RAB11FIP5: variants seen among roughly 807,000 people sequenced by gnomAD.
RAB11FIP5 encodes rab11 family-interacting protein 5.
In RAB11FIP5, 48 loss-of-function variants were observed where a neutral mutation model predicts 85.1. The observed-to-expected ratio is 0.56, with a 90% CI of 0.45 to 0.72. The LOEUF is 0.72. Among genes scored for constraint, RAB11FIP5 ranks in the 30% least tolerant of loss-of-function variants. The probability of loss-of-function intolerance (pLI) is 0.00; values close to 1 mark genes in which losing one functional copy is unlikely to be tolerated. For synonymous variants in RAB11FIP5, 729 were observed against 727.3 expected (o/e 1.00, Z -0.04); for missense variants, 1,491 against 1,687.0 (o/e 0.88, Z 2.04).
At position 73,089,571 on chromosome 2, in the gene RAB11FIP5, C is replaced by T. The variant is rs1208206593; in HGVS notation, c.432-256G>A. Reference sequence around the variant, plus strand: ...CCTCGGGTGCCACCAGGTAGGGCGGCGGTTACCACACCATGCCTCCTCCCA... The same window carrying T: ...CCTCGGGTGCCACCAGGTAGGGCGGTGGTTACCACACCATGCCTCCTCCCA... On this transcript the variant is annotated intron_variant, in intron 1 of 5. Coordinates refer to ENST00000486777, the MANE Select transcript of RAB11FIP5 (RefSeq NM_001371272.1). The surrounding 1 kb of genome is among the most constrained non-coding windows in gnomAD (Gnocchi z 4.6). The T allele has an allele frequency of 1.3e-5, 7 of 555,656 alleles. No homozygotes were observed. Among genetic ancestry groups the T allele is most frequent in the Admixed American group, 5.7e-5 (2 of 35,328 alleles). The allele number at this position is 555,656 out of a possible 1,614,324, so 34.4% of individuals were successfully genotyped here. A position where few individuals can be genotyped will look rare whatever the true frequency, so the allele number is the denominator to read the frequency against.
chr2:73,079,503 C>A lies in RAB11FIP5; in HGVS notation c.3581+148G>T, dbSNP rs1683925037. The A allele has an allele frequency of 3.8e-6, 4 of 1,055,048 alleles. No homozygotes were observed. The South Asian group carries it at 1.5e-4, about 40-fold the overall frequency. The allele number at this position is 1,055,048 out of a possible 1,614,324, so 65.4% of individuals were successfully genotyped here. ...CCATAGAAAGCTCCTGTCTTCAAAG[C>A]CTGTACCGTCTTGCCTCTGGGGTAA... On this transcript the variant is annotated intron_variant, in intron 4 of 5. Coordinates refer to ENST00000486777, the MANE Select transcript of RAB11FIP5 (RefSeq NM_001371272.1).
chr2:73,080,666 C>G lies in RAB11FIP5; in HGVS notation c.2566G>C (p.Asp856His). The G allele has an allele frequency of 1.6e-6, 2 of 1,232,428 alleles. No individual in the cohort carries two copies. Among genetic ancestry groups the G allele is most frequent in the South Asian group, 4.1e-5 (1 of 24,310 alleles). The allele number at this position is 1,232,428 out of a possible 1,614,324, so 76.3% of individuals were successfully genotyped here. A position where few individuals can be genotyped will look rare whatever the true frequency, so the allele number is the denominator to read the frequency against. Residue 856 changes from aspartate (D) to histidine (H), a missense_variant, in exon 4 of 6, where the codon GAT (aspartate) becomes CAT (histidine). By Grantham distance (81) the Asp-to-His change is moderately conservative (BLOSUM62 -1). This residue lies in a region of RAB11FIP5 where 1,211 missense variants were observed against 1,338.0 expected (regional missense o/e 0.91). Coordinates refer to ENST00000486777, the MANE Select transcript of RAB11FIP5 (RefSeq NM_001371272.1). The part of the protein sequence containing the change: ...TASLVFRGES[D>H]EPAPQVQPES... ...GGCTGCACCTGGGGAGCAGGCTCAT[C>G]AGACTCTCCCCGAAAGACTAGTGAG...
intron 1 of RAB11FIP5, among the ~76,000 whole-genome samples, chr2:73,096,336 CAG>C (rs1684318946): frequency 1.3e-5 from 2 of 152,322 alleles, no homozygotes; most frequent in Admixed American, 1.3e-4. Flanking sequence ...GTCCTGCACT[CAG>C]GGGAGAGCTG....
rs1684141441 is a variant in RAB11FIP5, at chr2:73,088,585, T to G, written c.1033A>C (p.Asn345His). ...CGCACAGGGCCCTGGGGCTCCTCAT[T>G]GTAAATGTGGCTCCCATTGACACAG... ...SLCVNGSHIY[N>H]EEPQGPVRHR... is the part of the protein sequence containing the mutation. The change falls in exon 3 of 6, where the codon AAT (asparagine) becomes CAT (histidine). Residue 345 changes from asparagine to histidine, a missense_variant. Coordinates refer to ENST00000486777, the MANE Select transcript of RAB11FIP5 (RefSeq NM_001371272.1). 1 of 1,613,736 alleles carries G rather than the reference T, an allele frequency of 6.2e-7. No individual in the cohort carries two copies. Among genetic ancestry groups the G allele is most frequent in the Non-Finnish European group, 8.5e-7 (1 of 1,180,032 alleles).
In RAB11FIP5 at chr2:73,073,953, G is replaced by T. The variant is rs1436009371; in HGVS notation, c.*1568C>A. 1 of 152,190 alleles carries T rather than the reference G, an allele frequency of 6.6e-6. No homozygotes were observed. The highest frequency in any genetic ancestry group is 1.5e-5 in the Non-Finnish European group (1 of 68,036). The allele number at this position is 152,190 out of a possible 1,614,324, so 9.4% of individuals were successfully genotyped here. ...CTGAAGAAGTGGTGGTCCCAGAGGA[G>T]CTCTTGCCTCCTCACTAAGCTGTTA... On this transcript the variant is annotated 3_prime_UTR_variant, in exon 6 of 6. Coordinates refer to ENST00000486777, the MANE Select transcript of RAB11FIP5 (RefSeq NM_001371272.1).
intron 1 of RAB11FIP5, among the ~76,000 whole-genome samples, chr2:73,107,292 G>A (rs1253535034): frequency 6.6e-6 from 1 of 152,240 alleles, no homozygotes; most frequent in Admixed American, 6.5e-5. Flanking sequence ...ATCTGTCCCT[G>A]CGTAGGGTGA....
chr2:73,079,782 G>C lies in RAB11FIP5; in HGVS notation c.3450C>G (p.Pro1150=). The change falls in exon 4 of 6, where the codon CCC becomes CCG. Residue 1150 remains proline (P), a synonymous_variant. Transcript: ENST00000486777. ...PPGEPALLPG[P]HEPSPPGGSP... ...AGCCCCCAGGTGGGGAGGGCTCATG[G>C]GGGCCAGGGAGTAAGGCTGGCTCCC... is the stretch of plus-strand genomic sequence containing the variant. 8.1e-7 allele frequency: 1 copy of C among 1,232,472 alleles called. No individual in the cohort carries two copies. Among genetic ancestry groups the C allele is most frequent in the East Asian group, 3.2e-5 (1 of 31,696 alleles). The allele number at this position is 1,232,472 out of a possible 1,614,324, so 76.3% of individuals were successfully genotyped here.
At chr2:73,099,026 CTTTTTTG>C (rs1466429378) in intron 1 of RAB11FIP5, among the ~76,000 whole-genome samples, 1 of 137,324 alleles carries the variant, frequency 7.3e-6, no homozygotes, top group Non-Finnish European at 1.6e-5. Flanking sequence ...TTAGTAAATG[CTTTTTTG>C]TTTTTTTTTT....
At chr2:73,100,905 C>G (rs1205702103) in intron 1 of RAB11FIP5, among the ~76,000 whole-genome samples, 1 of 152,100 alleles carries the variant, frequency 6.6e-6, no homozygotes, top group Non-Finnish European at 1.5e-5. Flanking sequence ...GCCTGCAATT[C>G]CTGCCCCAGT....
chr2:73,086,559 T>C lies in RAB11FIP5; in HGVS notation c.1568+1491A>G, dbSNP rs1388014420. Among the ~76,000 whole-genome samples, 1 of 152,174 alleles carries C rather than the reference T, an allele frequency of 6.6e-6. No homozygotes were observed. The highest frequency in any genetic ancestry group is 1.5e-5 in the Non-Finnish European group (1 of 68,022). On this transcript the variant is annotated intron_variant, in intron 3 of 5. Transcript: ENST00000486777. This position sits in a 1 kb window ranked among gnomAD's most constrained non-coding sequence, Gnocchi z 4.4. ...AGAGACACCGTACGCACAACCACAC[T>C]GAGCCTGTGCTCTGTGCCCCTTTCA...
At chr2:73,079,053 G>T (rs77578684) in intron 4 of RAB11FIP5, among the ~76,000 whole-genome samples, 1,552 of 152,328 alleles carry the variant, frequency 0.01, 27 homozygotes, top group African/African-American at 0.034. Flanking sequence ...CCTTTCTTCT[G>T]AGAGTTACAT....
intron 1 of RAB11FIP5, among the ~76,000 whole-genome samples, chr2:73,096,172 G>A (rs1368910522): frequency 3.9e-5 from 6 of 152,238 alleles, no homozygotes; most frequent in African/African-American, 1.4e-4. Context: ...GTGGATGGAA[G>A]GGGTGGAGAG....
intron 1 of RAB11FIP5, among the ~76,000 whole-genome samples, chr2:73,091,106 A>G (rs1684199202): frequency 6.6e-6 from 1 of 152,242 alleles, no homozygotes. Context: ...GGAAGAAACT[A>G]TGAAGGAAAT....
Position 73,088,195 on chromosome 2 carries a change from T to G in RAB11FIP5, c.1423A>C (p.Ser475Arg). The G allele has an allele frequency of 1.2e-6, 2 of 1,613,932 alleles. No individual in the cohort carries two copies. The highest frequency in any genetic ancestry group is 1.7e-6 in the Non-Finnish European group (2 of 1,180,012). ...AGAGAGCTTCGGCGACCCAACTCGC[T>G]CCGACTTAGGCCTTGGTGGTGGTGG... ...FHHHHQGLSRSELGRRSSLGE... is the reference protein window; with the variant it reads ...FHHHHQGLSRRELGRRSSLGE... Residue 475 changes from serine to arginine, a missense_variant, in exon 3 of 6, where the codon AGC becomes CGC. This residue lies in a region of RAB11FIP5 where 1,211 missense variants were observed against 1,338.0 expected (regional missense o/e 0.91). Transcript: ENST00000486777.
intron 1 of RAB11FIP5, among the ~76,000 whole-genome samples, chr2:73,094,641 C>A (rs1038484955): frequency 6.6e-6 from 1 of 152,194 alleles, no homozygotes; most frequent in African/African-American, 2.4e-5. Flanking sequence ...AGGATGGTCC[C>A]TAACGCTTTA....
chr2:73,082,744 C>T (rs970859568), intron 3 of RAB11FIP5, among the ~76,000 whole-genome samples: 2 of 152,184 alleles, frequency 1.3e-5, no homozygotes, highest in African/African-American at 4.8e-5. Flanking sequence ...CTTCATCTGT[C>T]CAGGACAGGG....
chr2:73,089,399 C>A lies in RAB11FIP5; in HGVS notation c.432-84G>T. The A allele has an allele frequency of 7.1e-7, 1 of 1,410,102 alleles. No individual in the cohort carries two copies. Among genetic ancestry groups the A allele is most frequent in the Non-Finnish European group, 9.9e-7 (1 of 1,005,842 alleles). The allele number at this position is 1,410,102 out of a possible 1,614,324, so 87.3% of individuals were successfully genotyped here. A position where few individuals can be genotyped will look rare whatever the true frequency, so the allele number is the denominator to read the frequency against. Reference sequence around the variant, plus strand: ...CCCGGTACCAGGCACTGCCCAGACCCCTCCTTGCTCTGAGAGCCACTGATA... The same window carrying A: ...CCCGGTACCAGGCACTGCCCAGACCACTCCTTGCTCTGAGAGCCACTGATA... On this transcript the variant is annotated intron_variant, in intron 1 of 5. Coordinates refer to ENST00000486777, the MANE Select transcript of RAB11FIP5 (RefSeq NM_001371272.1). The surrounding 1 kb of genome is among the most constrained non-coding windows in gnomAD (Gnocchi z 4.6).
chr2:73,111,920 G>A lies in RAB11FIP5; in HGVS notation c.431+427C>T, dbSNP rs1023985138. Among the ~76,000 whole-genome samples the A allele has an allele frequency of 3.3e-5, 5 of 152,152 alleles. No homozygotes were observed. In the South Asian group the frequency reaches 8.3e-4, roughly 25 times the overall value. On this transcript the variant is annotated intron_variant, in intron 1 of 5. Transcript: ENST00000486777. ...CACCTGGCTTTCCTTCCCCCGTAGGGCAAGGCTGCGCCTCTCCACTCCCCT... is the reference window on the plus strand; with the variant it reads ...CACCTGGCTTTCCTTCCCCCGTAGGACAAGGCTGCGCCTCTCCACTCCCCT...
rs1558525920 is a variant in RAB11FIP5, at chr2:73,112,402, G to C, written c.376C>G (p.Gln126Glu). The change falls in exon 1 of 6, where the codon CAG becomes GAG. Residue 126 changes from glutamine to glutamate, a missense_variant. By Grantham distance (29) the Gln-to-Glu change is conservative. Transcript: ENST00000486777. Reference sequence around the variant, plus strand: ...ACCTCGTCCAGCGCCACCGTGGCCTGGCCCAGGAACTTGTCGACGCCGATG... The same window carrying C: ...ACCTCGTCCAGCGCCACCGTGGCCTCGCCCAGGAACTTGTCGACGCCGATG... ...SLIGVDKFLGQATVALDEVFG... is the reference protein window; with the variant it reads ...SLIGVDKFLGEATVALDEVFG... The C allele has an allele frequency of 1.2e-6, 2 of 1,601,612 alleles. No homozygotes were observed. Among genetic ancestry groups the C allele is most frequent in the Non-Finnish European group, 8.5e-7 (1 of 1,176,806 alleles).
Sources: gnomAD v4.1 joint callset for allele counts (sites outside exome capture counted in the v4.1 genomes callset) on GRCh38, gnomAD v4.1.1 for gene constraint, gnomAD v4.1.1 regional missense constraint, Gnocchi (gnomAD v3.1) non-coding constraint, MANE v1.5 for transcripts, NCBI Gene and HGNC (gene_info 2026-07-23, HGNC 2026-07-21) for gene names.